The following AKT3 variants were observed in gnomAD, a reference collection of about 807,000 sequenced individuals.
The protein encoded by AKT3 is AKT serine/threonine kinase 3, also known as RAC-gamma serine/threonine-protein kinase.
Under a neutral mutation model 65.3 loss-of-function variants are expected in AKT3, and 15 were observed. That is an observed-to-expected ratio of 0.23 (90% CI 0.15 to 0.35). The LOEUF (loss-of-function observed/expected upper bound fraction) is 0.35, where lower values mean the gene tolerates loss of function less well. AKT3 is among the 10% of genes least tolerant of loss of function. AKT3 has a pLI of 1.00. For synonymous variants in AKT3, 206 were observed against 183.8 expected, an observed-to-expected ratio of 1.12 and a Z score of -0.98; for missense variants, 243 against 576.5, an observed-to-expected ratio of 0.42 and a Z score of 5.92.
chr1:243,765,100 G>C (rs1689732938), intron 2 of AKT3, among the ~76,000 whole-genome samples: 1 of 151,950 alleles, frequency 6.6e-6, no homozygotes, highest in Non-Finnish European at 1.5e-5. Flanking sequence ...TTAGGGTAAA[G>C]AGAAAAATAC....
chr1:243,733,071 C>G (rs1396553844), intron 2 of AKT3, among the ~76,000 whole-genome samples: 1 of 152,214 alleles, frequency 6.6e-6, no homozygotes, highest in Non-Finnish European at 1.5e-5. Flanking sequence ...TACTTTGTTT[C>G]CTTTTACCTG....
At chr1:243,691,325 T>C (rs1684676936) in intron 3 of AKT3, among the ~76,000 whole-genome samples, 1 of 152,164 alleles carries the variant, frequency 6.6e-6, no homozygotes, top group Admixed American at 6.5e-5. Flanking sequence ...AAGAGATCTA[T>C]GATGTATTAA....
chr1:243,492,509 G>A (rs1644267105), intron 13 of AKT3, among the ~76,000 whole-genome samples: 1 of 150,852 alleles, frequency 6.6e-6, no homozygotes, highest in East Asian at 1.9e-4. Flanking sequence ...TCGCCATGTT[G>A]GCCAGGCTGG....
chr1:243,489,263 A>C lies in AKT3; in HGVS notation c.*7-813T>G, dbSNP rs1665784722. ...ATCGGTTAGCAGTAAGCTGGGAGGG[A>C]GGTCCCGAAGACTGTGCTGGGCACA... On this transcript the variant is annotated intron_variant, in intron 13 of 13. Transcript: ENST00000336199. The C allele has an allele frequency of 9.9e-6, 13 of 1,319,102 alleles. No homozygotes were observed. The South Asian group carries it at 1.8e-4, about 18-fold the overall frequency. 81.7% of individuals were successfully genotyped at this position (1,319,102 alleles called of 1,614,324 possible).
intron 4 of AKT3, among the ~76,000 whole-genome samples, chr1:243,661,038 C>T (rs534337344): frequency 3.3e-4 from 50 of 152,278 alleles, no homozygotes; most frequent in Middle Eastern, 6.8e-3. Context: ...CTACAAAACA[C>T]TGCTCAAAGA....
intron 2 of AKT3, among the ~76,000 whole-genome samples, chr1:243,713,915 G>C (rs572760729): frequency 6.6e-6 from 1 of 152,020 alleles, no homozygotes; most frequent in African/African-American, 2.4e-5. Flanking sequence ...GGCTCACACA[G>C]TAATTAGTAT....
At chr1:243,619,005 A>G (rs1220798750) in intron 6 of AKT3, among the ~76,000 whole-genome samples, 3 of 152,118 alleles carry the variant, frequency 2.0e-5, no homozygotes, top group Non-Finnish European at 4.4e-5. Flanking sequence ...TTTCTACTTC[A>G]CAAAACTGCC....
At chr1:243,801,768 A>C (rs1168388524) in intron 2 of AKT3, among the ~76,000 whole-genome samples, 1 of 152,246 alleles carries the variant, frequency 6.6e-6, no homozygotes, top group Non-Finnish European at 1.5e-5. Context: ...AAAAAGCTGA[A>C]GCACTAGTCT....
At chr1:243,667,356 A>G (rs1194105359) in intron 3 of AKT3, among the ~76,000 whole-genome samples, 2 of 151,960 alleles carry the variant, frequency 1.3e-5, no homozygotes, top group Non-Finnish European at 2.9e-5. Context: ...ACCTCTCTCA[A>G]CCCTGCTCCT....
chr1:243,497,077 G>A (rs1041785589), downstream of AKT3, among the ~76,000 whole-genome samples: 2 of 152,194 alleles, frequency 1.3e-5, no homozygotes, highest in African/African-American at 4.8e-5. Flanking sequence ...GCATACGCAC[G>A]CTCTACTCTC....
chr1:243,575,293 C>T (rs758357631), intron 8 of AKT3, among the ~76,000 whole-genome samples: 2 of 152,232 alleles, frequency 1.3e-5, no homozygotes, highest in Middle Eastern at 3.4e-3. Flanking sequence ...GGCTCTGAAC[C>T]AACTTTTCAA....
intron 2 of AKT3, among the ~76,000 whole-genome samples, chr1:243,699,709 C>G (rs938967226): frequency 2.0e-5 from 3 of 151,642 alleles, no homozygotes; most frequent in Non-Finnish European, 4.4e-5. Context: ...GTGAATATTA[C>G]CTTATGGTAA....
intron 6 of AKT3, among the ~76,000 whole-genome samples, chr1:243,620,765 T>G (rs1678689093): frequency 6.6e-6 from 1 of 152,138 alleles, no homozygotes; most frequent in African/African-American, 2.4e-5. Flanking sequence ...TATTGCGCCT[T>G]TCTCGAGTAT....
chr1:243,729,415 A>G (rs780759879), intron 2 of AKT3, among the ~76,000 whole-genome samples: 1 of 152,192 alleles, frequency 6.6e-6, no homozygotes, highest in African/African-American at 2.4e-5. Flanking sequence ...AAATAAGAGC[A>G]TATGCACTGA....
At chr1:243,567,496 T>C (rs1674253375) in intron 9 of AKT3, among the ~76,000 whole-genome samples, 1 of 147,804 alleles carries the variant, frequency 6.8e-6, no homozygotes, top group Non-Finnish European at 1.5e-5. Context: ...CCTTTTTTTT[T>C]TTTTTTTTTT....
At chr1:243,699,902 T>C (rs1016035954) in intron 2 of AKT3, among the ~76,000 whole-genome samples, 2 of 151,792 alleles carry the variant, frequency 1.3e-5, no homozygotes, top group African/African-American at 2.4e-5. Flanking sequence ...GAAGCAAAGA[T>C]TGGAACTATG....
At chr1:243,665,698 G>T (rs1026431576) in intron 3 of AKT3, among the ~76,000 whole-genome samples, 84 of 152,256 alleles carry the variant, frequency 5.5e-4, no homozygotes, top group African/African-American at 1.9e-3. Context: ...ATTGATGTAG[G>T]AATTAATAAT....
chr1:243,538,609 C>CA, intron 12 of AKT3, among the ~76,000 whole-genome samples: 1 of 151,932 alleles, frequency 6.6e-6, no homozygotes, highest in Non-Finnish European at 1.5e-5. Flanking sequence ...TACACAAAAG[C>CA]AAAAGAAAGG....
chr1:243,567,130 G>C (rs934738641), intron 9 of AKT3, among the ~76,000 whole-genome samples: 1 of 151,902 alleles, frequency 6.6e-6, no homozygotes, highest in Non-Finnish European at 1.5e-5. Flanking sequence ...TAATACAAAA[G>C]ATTAGCTGTG....
Sources: allele counts gnomAD v4.1 joint callset (sites outside exome capture counted in the v4.1 genomes callset), GRCh38; gene constraint gnomAD v4.1.1; transcripts MANE v1.5; gene names NCBI Gene and HGNC (gene_info 2026-07-23, HGNC 2026-07-21).